C19orf47: variants seen among roughly 807,000 people sequenced by gnomAD.
C19orf47 encodes the protein chromosome 19 open reading frame 47, also known as uncharacterized protein C19orf47.
C19orf47 carries 18 observed loss-of-function variants against 32.3 expected under a neutral mutation model. The ratio of observed to expected loss-of-function variants is 0.56; its 90% CI spans 0.39 to 0.83. C19orf47 has a LOEUF of 0.83. C19orf47 is among the 40% of genes least tolerant of loss of function. The pLI, the probability that C19orf47 is intolerant of heterozygous loss-of-function variation, is 0.00. For missense variants in C19orf47, 484 were observed against 531.6 expected (o/e 0.91, Z 0.88); for synonymous variants, 202 against 211.1 (o/e 0.96, Z 0.37).
intron 8 of C19orf47, among the ~76,000 whole-genome samples, chr19:40,323,243 G>A (rs943576264): frequency 6.6e-6 from 1 of 152,258 alleles, no homozygotes; most frequent in Non-Finnish European, 1.5e-5. Flanking sequence ...GCAGCTGGGA[G>A]GCTCTGCAAT....
At chr19:40,342,708 T>C (rs902533554) in intron 1 of C19orf47, among the ~76,000 whole-genome samples, 2 of 152,072 alleles carry the variant, frequency 1.3e-5, no homozygotes, top group African/African-American at 4.8e-5. Flanking sequence ...AAGCAACATT[T>C]AGAGACCTAA....
chr19:40,303,227 T>C, the C19orf47 span, among the ~76,000 whole-genome samples: 63 of 130,306 alleles, frequency 4.8e-4, no homozygotes, highest in African/African-American at 1.8e-3. Flanking sequence ...AAACTCCATC[T>C]AAAAAAAAAA....
chr19:40,314,106 C>A, the C19orf47 span, among the ~76,000 whole-genome samples: 1 of 152,078 alleles, frequency 6.6e-6, no homozygotes, highest in Non-Finnish European at 1.5e-5. Context: ...TGCAGCATCT[C>A]TAGAGCCTGA....
At chr19:40,296,037 T>G in the C19orf47 span, among the ~76,000 whole-genome samples, 5 of 152,190 alleles carry the variant, frequency 3.3e-5, no homozygotes, top group African/African-American at 1.2e-4. Flanking sequence ...TGAACCAACA[T>G]GCCTGGCCCA....
chr19:40,296,237 T>C, the C19orf47 span, among the ~76,000 whole-genome samples: 46 of 152,298 alleles, frequency 3.0e-4, no homozygotes, highest in Non-Finnish European at 4.9e-4. Flanking sequence ...CTGCATGTTA[T>C]TGTACTGAAT....
Position 40,337,288 on chromosome 19 carries a change from A to AATTATTATTATTATT in C19orf47, c.20-896_20-882dup, listed in dbSNP as rs57061818. Reference sequence around the variant, plus strand: ...GAGGACATCCTCAAACCATGACAGCAATTATTATTATTATTATTATTATTA... The same window carrying AATTATTATTATTATT: ...GAGGACATCCTCAAACCATGACAGCAATTATTATTATTATTATTATTATTATTATTATTATTATTA... On this transcript the variant is annotated intron_variant, in intron 2 of 8. Transcript: ENST00000683109. Among the ~76,000 whole-genome samples the AATTATTATTATTATT allele has an allele frequency of 9.9e-3, 1,419 of 143,208 alleles. 19 individuals are homozygous for AATTATTATTATTATT. The highest frequency in any genetic ancestry group is 0.049 in the East Asian group (238 of 4,892). The allele number at this position is 143,208 out of a possible 152,430, so 94.0% of individuals were successfully genotyped here.
downstream of C19orf47, among the ~76,000 whole-genome samples, chr19:40,318,047 T>C (rs1327825044): frequency 6.6e-6 from 1 of 152,022 alleles, no homozygotes; most frequent in Admixed American, 6.6e-5. Flanking sequence ...GACCTCCGCC[T>C]TGACCCTTCT....
rs2077947008 is a variant in C19orf47 at position 40,331,261 on chromosome 19, G to A, written c.301+2590C>T. Among the ~76,000 whole-genome samples the A allele has an allele frequency of 2.6e-5, 4 of 152,196 alleles. No homozygotes were observed. The South Asian group carries it at 8.3e-4, about 31-fold the overall frequency. ...CTCTTCTGCTGCTTTTAGGAACCCT[G>A]CAACCACCACTGTGAACAAGCCCAG... On this transcript the variant is annotated intron_variant, in intron 5 of 8. Transcript: ENST00000683109.
At chr19:40,342,595 G>T (rs201570788) in intron 1 of C19orf47, among the ~76,000 whole-genome samples, 3 of 152,194 alleles carry the variant, frequency 2.0e-5, no homozygotes, top group East Asian at 1.9e-4. Context: ...AAGCCAAACA[G>T]TTAATATAGT....
In C19orf47 at chr19:40,322,171, G is replaced by A. The variant is rs370321945; in HGVS notation, c.869C>T (p.Pro290Leu). The A allele has an allele frequency of 1.9e-5, 31 of 1,612,422 alleles. No individual in the cohort carries two copies. The highest frequency in any genetic ancestry group is 2.7e-5 in the African/African-American group (2 of 74,926). ...ATSSATTAAA[P>L]TLRRLALSSR... Reference sequence around the variant, plus strand: ...GGAAAGCGCCAGGCGCCGCAGTGTCGGGGCAGCAGCCGTTGTCGCTGAGCT... The same window carrying A: ...GGAAAGCGCCAGGCGCCGCAGTGTCAGGGCAGCAGCCGTTGTCGCTGAGCT... Residue 290 changes from proline to leucine, a missense_variant, in exon 9 of 9, where the codon CCG becomes CTG. Pro to Leu is a moderately conservative substitution (Grantham distance 98, BLOSUM62 -3). Transcript: ENST00000683109.
chr19:40,328,353 A>T, intron 6 of C19orf47, 60 bp downstream of exon 6: 1 of 1,593,278 alleles, frequency 6.3e-7, no homozygotes, highest in African/African-American at 1.4e-5. Context: ...GACCCCCAAC[A>T]CCTCCTACCA....
At chr19:40,295,516 C>T in the C19orf47 span, among the ~76,000 whole-genome samples, 1 of 151,868 alleles carries the variant, frequency 6.6e-6, no homozygotes, top group African/African-American at 2.4e-5. Flanking sequence ...CTCACTGCAA[C>T]CTCCACCTCC....
chr19:40,328,818 C>T (rs1291530013), intron 5 of C19orf47, among the ~76,000 whole-genome samples: 1 of 152,138 alleles, frequency 6.6e-6, no homozygotes, highest in Non-Finnish European at 1.5e-5. Context: ...CCTCACCCAT[C>T]AGTCACCCAG....
downstream of C19orf47, among the ~76,000 whole-genome samples, chr19:40,316,257 A>C (rs1015505372): frequency 9.8e-5 from 15 of 152,312 alleles, no homozygotes; most frequent in African/African-American, 3.6e-4. Context: ...CTTGCCACAG[A>C]TACTGCTAGT....
rs1343566027 is a variant in C19orf47, at chr19:40,319,677, A to G, written c.*2205T>C. On this transcript the variant is annotated 3_prime_UTR_variant, in exon 9 of 9. Coordinates refer to ENST00000683109, the MANE Select transcript of C19orf47 (RefSeq NM_001256441.2). Reference sequence around the variant, plus strand: ...CTCAGCCTCCTAAGTAGCCGGGATTACAGGCACCTGTCACCACACCCGGCT... The same window carrying G: ...CTCAGCCTCCTAAGTAGCCGGGATTGCAGGCACCTGTCACCACACCCGGCT... 6.6e-6 allele frequency: 1 copy of G among 152,484 alleles called. No individual in the cohort carries two copies. Among genetic ancestry groups the G allele is most frequent in the Non-Finnish European group, 1.5e-5 (1 of 68,050 alleles). 9.4% of individuals were successfully genotyped at this position (152,484 alleles called of 1,614,324 possible).
Position 40,330,280 on chromosome 19 carries a change from G to A in C19orf47, c.302-1730C>T, listed in dbSNP as rs561429402. ...GTCTCGCTCTGTCGCCCAGGCTGGA[G>A]TGCAGTGGCGCGATCTTGACTCACT... On this transcript the variant is annotated intron_variant, in intron 5 of 8. Coordinates refer to ENST00000683109, the MANE Select transcript of C19orf47 (RefSeq NM_001256441.2). Among the ~76,000 whole-genome samples, 36 of 151,040 alleles carry A rather than the reference G, an allele frequency of 2.4e-4. No homozygotes were observed. The South Asian group carries it at 5.2e-3, about 22-fold the overall frequency.
chr19:40,307,194 C>G, the C19orf47 span, among the ~76,000 whole-genome samples: 3 of 144,434 alleles, frequency 2.1e-5, no homozygotes, highest in African/African-American at 7.7e-5. Flanking sequence ...CTCCCCGGTT[C>G]AAGTGATTCT....
chr19:40,337,619 A>G (rs2078091216), intron 2 of C19orf47, among the ~76,000 whole-genome samples: 1 of 152,198 alleles, frequency 6.6e-6, no homozygotes, highest in African/African-American at 2.4e-5. Context: ...TTTAGATTAG[A>G]AGAAATCTGT....
chr19:40,337,320 TTAC>T (rs1054631800), intron 2 of C19orf47, among the ~76,000 whole-genome samples: 1 of 149,324 alleles, frequency 6.7e-6, no homozygotes, highest in Non-Finnish European at 1.5e-5. Flanking sequence ...ATTATTATTA[TTAC>T]TATTACTCCC....
Sources: allele counts gnomAD v4.1 joint callset (sites outside exome capture counted in the v4.1 genomes callset), GRCh38; gene constraint gnomAD v4.1.1; transcripts MANE v1.5; gene names NCBI Gene and HGNC (gene_info 2026-07-23, HGNC 2026-07-21).